USP13: variants seen among roughly 807,000 people sequenced by gnomAD.
USP13 encodes ubiquitin carboxyl-terminal hydrolase 13.
Under a neutral mutation model 107.8 loss-of-function variants are expected in USP13, and 68 were observed. That is an observed-to-expected ratio of 0.63 (90% confidence interval 0.52 to 0.77). USP13 has a LOEUF of 0.77. USP13 is among the 30% of genes least tolerant of loss of function. The probability of loss-of-function intolerance (pLI) is 0.00; values close to 1 mark genes in which losing one functional copy is unlikely to be tolerated. For missense variants in USP13, 945 were observed against 1,093.3 expected (o/e 0.86, Z 1.91); for synonymous variants, 377 against 389.5 (o/e 0.97, Z 0.38).
intron 1 of USP13, among the ~76,000 whole-genome samples, chr3:179,662,627 T>C (rs2339803): frequency 0.1 from 15,443 of 152,278 alleles, 1,205 homozygotes; most frequent in East Asian, 0.4. Context: ...TCATTTGCCA[T>C]GTGTACCCTA....
At chr3:179,688,571 TGATGCAGA>T (rs1711981940) in intron 2 of USP13, among the ~76,000 whole-genome samples, 2 of 152,226 alleles carry the variant, frequency 1.3e-5, no homozygotes, top group Admixed American at 1.3e-4. Context: ...GGTTGTTGAC[TGATGCAGA>T]GGTGATGGTC....
intron 4 of USP13, 147 bp downstream of exon 4, chr3:179,701,276 A>T: frequency 9.3e-7 from 1 of 1,071,546 alleles, no homozygotes; most frequent in Non-Finnish European, 1.3e-6. Flanking sequence ...ATGAACACGC[A>T]CATACCTCTT....
chr3:179,695,055 T>C (rs1160831556), intron 3 of USP13, among the ~76,000 whole-genome samples: 1 of 152,146 alleles, frequency 6.6e-6, no homozygotes, highest in African/African-American at 2.4e-5. Flanking sequence ...ACAGTGGGTA[T>C]TGGGAGGCAG....
chr3:179,723,256 G>C (rs761765299), intron 8 of USP13, among the ~76,000 whole-genome samples: 1 of 152,114 alleles, frequency 6.6e-6, no homozygotes, highest in Non-Finnish European at 1.5e-5. Context: ...TCTTCTTGCT[G>C]TTTTCTGGCT....
rs563112451 is a variant in USP13, at chr3:179,697,210, C to T, written c.356-3798C>T. Among the ~76,000 whole-genome samples, 21 of 152,246 alleles carry T rather than the reference C, an allele frequency of 1.4e-4. No individual in the cohort carries two copies. The South Asian group carries it at 4.2e-3, about 30-fold the overall frequency. On this transcript the variant is annotated intron_variant, in intron 3 of 20. Transcript: ENST00000263966. ...ATTTGTGCAAAGTTTCGCTAATGGG[C>T]CTGTTCAGAAAGTTCATCTGCCCCT...
At chr3:179,741,681 A>G (rs1484301222) in intron 11 of USP13, among the ~76,000 whole-genome samples, 3 of 152,184 alleles carry the variant, frequency 2.0e-5, no homozygotes, top group Non-Finnish European at 4.4e-5. Context: ...ACAGGTTGGC[A>G]TCTGCCCCTC....
intron 1 of USP13, among the ~76,000 whole-genome samples, chr3:179,673,589 A>T: frequency 6.6e-6 from 1 of 152,218 alleles, no homozygotes; most frequent in South Asian, 2.1e-4. Flanking sequence ...AAGCAGATTT[A>T]GGGTCAAGGA....
rs1207725881 is a variant in USP13 at position 179,786,337 on chromosome 3, T to C, written c.*2196T>C. ...TGACTGGGTGGTTTGGATTGAAATG[T>C]GGACAAAGATAGCATGTGTATTTTG... On this transcript the variant is annotated 3_prime_UTR_variant, in exon 21 of 21. Coordinates refer to ENST00000263966, the MANE Select transcript of USP13 (RefSeq NM_003940.3). 6.6e-6 allele frequency: 1 copy of C among 152,222 alleles called. No individual in the cohort carries two copies. Among genetic ancestry groups the C allele is most frequent in the African/African-American group, 2.4e-5 (1 of 41,450 alleles). 9.4% of individuals were successfully genotyped at this position (152,222 alleles called of 1,614,324 possible). A position where few individuals can be genotyped will look rare whatever the true frequency, so the allele number is the denominator to read the frequency against.
At chr3:179,661,319 A>G (rs558017780) in intron 1 of USP13, among the ~76,000 whole-genome samples, 37 of 152,334 alleles carry the variant, frequency 2.4e-4, no homozygotes, top group African/African-American at 8.9e-4. Flanking sequence ...TTAAATTATT[A>G]TCTTAATTTT....
chr3:179,684,295 A>ACACC (rs1308776648), intron 2 of USP13, among the ~76,000 whole-genome samples: 20 of 147,210 alleles, frequency 1.4e-4, no homozygotes, highest in Non-Finnish European at 3.0e-4. Flanking sequence ...ACACACACAC[A>ACACC]CACACACACA....
At chr3:179,752,022 C>T (rs1292377513) in intron 13 of USP13, among the ~76,000 whole-genome samples, 5 of 152,182 alleles carry the variant, frequency 3.3e-5, no homozygotes, top group South Asian at 2.1e-4. Flanking sequence ...GGATTACAGG[C>T]GTGAGCCACC....
intron 20 of USP13, 95 bp from the exon 21 acceptor site, chr3:179,783,953 G>T (rs1715835469): frequency 6.3e-6 from 6 of 950,578 alleles, no homozygotes; most frequent in South Asian, 1.6e-5. Flanking sequence ...AAACATCATG[G>T]TTAAGTGTTG....
At chr3:179,781,671 A>G in intron 19 of USP13, 68 bp from the exon 20 acceptor site, 1 of 1,438,104 alleles carries the variant, frequency 7.0e-7, no homozygotes, top group Non-Finnish European at 9.7e-7. Context: ...TTGGTTTTAA[A>G]TTCTAACCAG....
At chr3:179,718,907 C>G (rs1488919300) in intron 6 of USP13, among the ~76,000 whole-genome samples, 4 of 152,086 alleles carry the variant, frequency 2.6e-5, no homozygotes, top group African/African-American at 9.7e-5. Flanking sequence ...CAGGCGCCCG[C>G]CACCACGCCC....
At chr3:179,671,925 G>A (rs1020668032) in intron 1 of USP13, among the ~76,000 whole-genome samples, 6 of 152,156 alleles carry the variant, frequency 3.9e-5, no homozygotes, top group Non-Finnish European at 8.8e-5. Context: ...AGCAATGACC[G>A]CTTGTTTTCC....
chr3:179,719,855 G>A, intron 6 of USP13, 85 bp from the exon 7 acceptor site: 1 of 1,136,612 alleles, frequency 8.8e-7, no homozygotes, highest in Non-Finnish European at 1.3e-6. Flanking sequence ...CAAGCCTGGT[G>A]TACAGTAGGA....
chr3:179,706,811 G>A lies in USP13; in HGVS notation c.478-123G>A, dbSNP rs908599190. The A allele has an allele frequency of 6.7e-5, 79 of 1,186,306 alleles. No individual in the cohort carries two copies. The Middle Eastern group carries it at 7.2e-4, about 11-fold the overall frequency. The allele number at this position is 1,186,306 out of a possible 1,614,324, so 73.5% of individuals were successfully genotyped here. A position where few individuals can be genotyped will look rare whatever the true frequency, so the allele number is the denominator to read the frequency against. ...CAGGAAAACAGGATCCCTCTCTTGC[G>A]ACAACTACGCTGTTTGCGTTTCTTC... On this transcript the variant is annotated intron_variant, in intron 4 of 20. Transcript: ENST00000263966.
At chr3:179,761,887 C>G (rs1367101363) in intron 17 of USP13, among the ~76,000 whole-genome samples, 3 of 152,152 alleles carry the variant, frequency 2.0e-5, no homozygotes, top group Non-Finnish European at 4.4e-5. Context: ...GAAACATGGG[C>G]ATGAAGAAAT....
At chr3:179,676,684 A>G (rs1711502643) in intron 1 of USP13, among the ~76,000 whole-genome samples, 1 of 152,182 alleles carries the variant, frequency 6.6e-6, no homozygotes, top group South Asian at 2.1e-4. Context: ...GAAAGCATGG[A>G]TTATTAGACT....
Sources: allele counts gnomAD v4.1 joint callset (sites outside exome capture counted in the v4.1 genomes callset), GRCh38; gene constraint gnomAD v4.1.1; transcripts MANE v1.5; gene names NCBI Gene and HGNC (gene_info 2026-07-23, HGNC 2026-07-21).